Variants in HIVEP3 observed in about 807,000 individuals in gnomAD.
The protein encoded by HIVEP3 is HIVEP zinc finger 3.
HIVEP3 carries 49 observed loss-of-function variants against 152.8 expected under a neutral mutation model. That is an observed-to-expected ratio of 0.32 (90% CI 0.26 to 0.41). The LOEUF is 0.41. Among genes scored for constraint, HIVEP3 ranks in the 10% least tolerant of loss-of-function variants. The pLI is 1.00. For missense variants in HIVEP3, 2,790 were observed against 3,103.3 expected (o/e 0.90, Z 2.40); for synonymous variants, 1,269 against 1,289.0 (o/e 0.98, Z 0.33).
chr1:41,535,510 CGGT>C (rs1330070593), intron 5 of HIVEP3: 1 of 152,262 alleles, frequency 6.6e-6, no homozygotes, highest in Non-Finnish European at 1.5e-5. Context: ...GGCTGCAAGA[CGGT>C]CCACTGCTGG....
At chr1:41,608,917 CAAAAAAA>C (rs35714997) in intron 3 of HIVEP3, among the ~76,000 whole-genome samples, 3 of 123,548 alleles carry the variant, frequency 2.4e-5, no homozygotes, top group African/African-American at 5.9e-5. Flanking sequence ...CTAAAAATAC[CAAAAAAA>C]AAAAAAAAAA....
rs550193172 is a variant in HIVEP3 at position 41,581,557 on chromosome 1, C to T, written c.3241G>A (p.Ala1081Thr). The change falls in exon 4 of 9, where the codon GCC becomes ACC. Residue 1081 changes from alanine (A) to threonine (T), a missense_variant. Ala to Thr is a moderately conservative substitution (Grantham distance 58). This residue lies in a region of HIVEP3 where 1,078 missense variants were observed against 1,165.3 expected (regional missense o/e 0.93). Coordinates refer to ENST00000372583, the MANE Select transcript of HIVEP3 (RefSeq NM_024503.5). The surrounding 1 kb of genome is among the most constrained non-coding windows in gnomAD (Gnocchi z 4.5). The part of the protein sequence containing the change: ...EPQPSSSKPS[A>T]KSSLSQISSA... ...GAAATCTGGGACAATGAGCTTTTGGCAGAGGGTTTACTGGATGAGGGCTGT... is the reference window on the plus strand; with the variant it reads ...GAAATCTGGGACAATGAGCTTTTGGTAGAGGGTTTACTGGATGAGGGCTGT... 1.9e-6 allele frequency: 3 copies of T among 1,605,166 alleles called. No individual in the cohort carries two copies. The Admixed American group carries it at 5.1e-5, about 28-fold the overall frequency.
At chr1:41,706,604 A>T (rs1476309967) in intron 1 of HIVEP3, among the ~76,000 whole-genome samples, 1 of 152,232 alleles carries the variant, frequency 6.6e-6, no homozygotes, top group East Asian at 1.9e-4. Flanking sequence ...TTTTAAAAAG[A>T]GAGATAACTA....
At chr1:41,875,493 T>G (rs998797152) in intron 1 of HIVEP3, among the ~76,000 whole-genome samples, 2 of 152,252 alleles carry the variant, frequency 1.3e-5, no homozygotes, top group Non-Finnish European at 2.9e-5. Flanking sequence ...AGTCAGACCA[T>G]GTCATGCCCT....
intron 1 of HIVEP3, among the ~76,000 whole-genome samples, chr1:41,962,975 C>T (rs1000788548): frequency 6.6e-6 from 1 of 152,220 alleles, no homozygotes; most frequent in African/African-American, 2.4e-5. Context: ...AACACCTTCT[C>T]CTCACCTGCA....
At chr1:41,774,309 T>C (rs1648557561) in intron 1 of HIVEP3, among the ~76,000 whole-genome samples, 1 of 152,244 alleles carries the variant, frequency 6.6e-6, no homozygotes, top group South Asian at 2.1e-4. Flanking sequence ...TTTATTTTCA[T>C]AAGTTATTAA....
intron 1 of HIVEP3, among the ~76,000 whole-genome samples, chr1:41,908,413 C>G (rs1169136595): frequency 6.6e-6 from 1 of 152,148 alleles, no homozygotes; most frequent in Non-Finnish European, 1.5e-5. Context: ...CCTACCCAAC[C>G]CACTAGCACC....
intron 2 of HIVEP3, among the ~76,000 whole-genome samples, chr1:41,699,535 G>A (rs1276849289): frequency 6.6e-6 from 1 of 152,244 alleles, no homozygotes; most frequent in Non-Finnish European, 1.5e-5. Context: ...TGCTGCCCAG[G>A]AGGGGGTGGC....
chr1:41,757,077 C>G (rs6703179), intron 1 of HIVEP3, among the ~76,000 whole-genome samples: 2,165 of 138,106 alleles, frequency 0.016, 26 homozygotes, highest in Non-Finnish European at 0.019. Context: ...CATAGCAAGA[C>G]CTTGTCTCTA....
At chr1:41,834,016 G>GT (rs1301746592) in intron 1 of HIVEP3, among the ~76,000 whole-genome samples, 1 of 152,152 alleles carries the variant, frequency 6.6e-6, no homozygotes, top group Admixed American at 6.5e-5. Context: ...TTTCCTACCT[G>GT]TAAGAGGTGT....
rs1644443191 is a variant in HIVEP3 at position 41,510,854 on chromosome 1, T to C, written c.6818A>G (p.Asp2273Gly). The C allele has an allele frequency of 6.2e-7, 1 of 1,613,230 alleles. No homozygotes were observed. The highest frequency in any genetic ancestry group is 8.5e-7 in the Non-Finnish European group (1 of 1,179,852). Residue 2273 changes from aspartate (D) to glycine (G), a missense_variant, in exon 9 of 9, where the codon GAC (aspartate) becomes GGC (glycine). Physicochemically the swap from Asp to Gly is moderately conservative, Grantham distance 94 (BLOSUM62 -1). Coordinates refer to ENST00000372583, the MANE Select transcript of HIVEP3 (RefSeq NM_024503.5). ...FTLSSELEGG[D>G]YPKERERTGG... ...GGTCCTCTCCCTCTCCTTGGGGTAGTCCCCGCCCTCCAGCTCTGAGGAGAG... is the reference window on the plus strand; with the variant it reads ...GGTCCTCTCCCTCTCCTTGGGGTAGCCCCCGCCCTCCAGCTCTGAGGAGAG...
At chr1:41,789,515 C>T (rs1007024534) in intron 1 of HIVEP3, among the ~76,000 whole-genome samples, 1 of 152,138 alleles carries the variant, frequency 6.6e-6, no homozygotes, top group Admixed American at 6.5e-5. Flanking sequence ...TTTAATATGA[C>T]CTACAGAAAA....
chr1:41,526,277 C>T (rs1280894647), intron 5 of HIVEP3, among the ~76,000 whole-genome samples: 2 of 149,938 alleles, frequency 1.3e-5, no homozygotes, highest in African/African-American at 2.5e-5. Context: ...ACACACTCAC[C>T]CTCACACGCT....
intron 1 of HIVEP3, among the ~76,000 whole-genome samples, chr1:41,717,232 G>C (rs1351926671): frequency 6.6e-6 from 1 of 151,050 alleles, no homozygotes; most frequent in Non-Finnish European, 1.5e-5. Flanking sequence ...CATGGAGCTT[G>C]CATTTTCCGA....
At position 41,936,532 on chromosome 1, in the gene HIVEP3, G is replaced by T. The variant is rs757725173; in HGVS notation, n.120-18008C>A. Among the ~76,000 whole-genome samples, 139 of 152,248 alleles carry T rather than the reference G, an allele frequency of 9.1e-4. 1 individual carries two copies. The highest frequency in any genetic ancestry group is 1.7e-3 in the South Asian group (8 of 4,818). ...TTGGTCTACTCCACTTAAGAAGGTG[G>T]GAAAATATAAAATATCACAGAGTAA... On this transcript the variant is annotated intron_variant and non_coding_transcript_variant, in intron 1 of 3. Transcript: ENST00000489103.
chr1:41,610,014 CT>C (rs1293664008), intron 3 of HIVEP3, among the ~76,000 whole-genome samples: 1 of 152,204 alleles, frequency 6.6e-6, no homozygotes, highest in Admixed American at 6.5e-5. Flanking sequence ...AAAGAGTGCC[CT>C]CCCCAGAGGA....
chr1:41,755,627 A>C (rs1220270644), intron 1 of HIVEP3, among the ~76,000 whole-genome samples: 2 of 152,026 alleles, frequency 1.3e-5, no homozygotes, highest in African/African-American at 4.8e-5. Flanking sequence ...AAAAACACCC[A>C]AAACAATAAA....
At chr1:41,909,051 G>A (rs2124462811) in intron 1 of HIVEP3, among the ~76,000 whole-genome samples, 1 of 152,240 alleles carries the variant, frequency 6.6e-6, no homozygotes, top group South Asian at 2.1e-4. Context: ...TCTCAAAGGA[G>A]ACACTCTTGT....
chr1:41,623,258 G>A (rs1479284682), intron 3 of HIVEP3, among the ~76,000 whole-genome samples: 2 of 152,208 alleles, frequency 1.3e-5, no homozygotes, highest in Admixed American at 6.5e-5. Context: ...GAGAAACCAC[G>A]AAACTTCCTA....
Sources: gnomAD v4.1 joint callset for allele counts (sites outside exome capture counted in the v4.1 genomes callset) on GRCh38, gnomAD v4.1.1 for gene constraint, gnomAD v4.1.1 regional missense constraint, Gnocchi (gnomAD v3.1) non-coding constraint, MANE v1.5 for transcripts, NCBI Gene and HGNC (gene_info 2026-07-23, HGNC 2026-07-21) for gene names.